SNAPC1: variants seen among roughly 807,000 people sequenced by gnomAD.
The protein encoded by SNAPC1 is snRNA-activating protein complex subunit 1.
Under a neutral mutation model 50.1 loss-of-function variants are expected in SNAPC1, and 42 were observed. The observed-to-expected ratio is 0.84, with a 90% confidence interval of 0.65 to 1.08. The LOEUF is 1.08. Among genes scored for constraint, SNAPC1 ranks in the 50% least tolerant of loss-of-function variants. The probability of loss-of-function intolerance (pLI) is 0.00; values close to 1 mark genes in which losing one functional copy is unlikely to be tolerated. For synonymous variants in SNAPC1, 164 were observed against 144.2 expected (o/e 1.14, Z -0.98); for missense variants, 477 against 427.3 (o/e 1.12, Z -1.02).
At chr14:61,776,517 T>G (rs1361493416) in intron 5 of SNAPC1, among the ~76,000 whole-genome samples, 2 of 152,176 alleles carry the variant, frequency 1.3e-5, no homozygotes, top group African/African-American at 4.8e-5. Flanking sequence ...TATTACAGAC[T>G]TTATAATTTG....
At chr14:61,763,261 G>A (rs1362933029) in intron 1 of SNAPC1, among the ~76,000 whole-genome samples, 2 of 151,716 alleles carry the variant, frequency 1.3e-5, no homozygotes, top group African/African-American at 4.8e-5. Context: ...AAAGCGCTAG[G>A]ATTACAGGAG....
At chr14:61,783,803 G>A (rs2045096002) in intron 8 of SNAPC1, among the ~76,000 whole-genome samples, 1 of 152,138 alleles carries the variant, frequency 6.6e-6, no homozygotes, top group Admixed American at 6.5e-5. Context: ...CTCCCAAAGT[G>A]CTGGGATTAC....
chr14:61,786,703 G>A (rs1306279057), intron 8 of SNAPC1, among the ~76,000 whole-genome samples: 1 of 152,198 alleles, frequency 6.6e-6, no homozygotes, highest in Admixed American at 6.5e-5. Flanking sequence ...CTTTTCTGGT[G>A]TGAATCCAGA....
At chr14:61,787,330 G>A (rs2045121578) in intron 8 of SNAPC1, among the ~76,000 whole-genome samples, 1 of 151,290 alleles carries the variant, frequency 6.6e-6, no homozygotes. Flanking sequence ...CAAAAAGAGA[G>A]GACATAAGGA....
chr14:61,775,307 C>T (rs1010799605), intron 4 of SNAPC1, among the ~76,000 whole-genome samples: 3 of 150,686 alleles, frequency 2.0e-5, no homozygotes, highest in African/African-American at 7.3e-5. Flanking sequence ...TGCTGGAGTG[C>T]GGTGGTGGTT....
At chr14:61,774,537 A>G (rs1456337233) in intron 4 of SNAPC1, among the ~76,000 whole-genome samples, 1 of 151,732 alleles carries the variant, frequency 6.6e-6, no homozygotes, top group Admixed American at 6.6e-5. Flanking sequence ...TAATGAGAGT[A>G]TAGCCAATGT....
At chr14:61,792,662 G>A in intron 8 of SNAPC1, 145 bp from the exon 9 acceptor site, 1 of 422,466 alleles carries the variant, frequency 2.4e-6, no homozygotes, top group Non-Finnish European at 4.3e-6. Context: ...AGGTATTCTA[G>A]AATGCGTATT....
intron 1 of SNAPC1, among the ~76,000 whole-genome samples, chr14:61,763,666 C>A (rs1024549721): frequency 2.7e-4 from 41 of 152,100 alleles, no homozygotes; most frequent in African/African-American, 9.4e-4. Context: ...GTTTTTTCCC[C>A]GCATAGCACC....
intron 3 of SNAPC1, 45 bp from the exon 4 acceptor site, chr14:61,768,591 C>T: frequency 2.0e-6 from 2 of 1,008,416 alleles, no homozygotes; most frequent in Non-Finnish European, 3.1e-6. Context: ...TTTAACAATA[C>T]TGTTTAAAAG....
intron 3 of SNAPC1, among the ~76,000 whole-genome samples, chr14:61,768,424 G>T (rs1234814427): frequency 6.6e-6 from 1 of 152,128 alleles, no homozygotes; most frequent in East Asian, 1.9e-4. Flanking sequence ...TGTCTTATCT[G>T]AATTTGTAGG....
intron 1 of SNAPC1, among the ~76,000 whole-genome samples, chr14:61,762,981 C>CTTTTTTTT (rs145378546): frequency 0.02 from 1,433 of 73,010 alleles, 269 homozygotes; most frequent in East Asian, 0.061. Context: ...CCAAAGTTGT[C>CTTTTTTTT]TTTTTTTTTT....
chr14:61,778,797 A>C, intron 6 of SNAPC1, 51 bp from the exon 7 acceptor site: 1 of 1,084,406 alleles, frequency 9.2e-7, no homozygotes, highest in South Asian at 1.4e-5. Context: ...TCAGTTTTTC[A>C]CCTAATGTTT....
intron 9 of SNAPC1, among the ~76,000 whole-genome samples, chr14:61,793,562 T>G (rs1371895412): frequency 1.3e-5 from 2 of 152,004 alleles, no homozygotes; most frequent in Non-Finnish European, 2.9e-5. Context: ...GTTTTCATCT[T>G]AATTTGTTTT....
At chr14:61,762,978 T>A (rs2044918128) in intron 1 of SNAPC1, among the ~76,000 whole-genome samples, 1 of 133,364 alleles carries the variant, frequency 7.5e-6, no homozygotes, top group South Asian at 2.5e-4. Flanking sequence ...CAACCAAAGT[T>A]GTCTTTTTTT....
intron 9 of SNAPC1, among the ~76,000 whole-genome samples, 195 bp from the exon 10 acceptor site, chr14:61,794,754 G>A (rs1044787870): frequency 6.6e-6 from 1 of 152,144 alleles, no homozygotes; most frequent in African/African-American, 2.4e-5. Flanking sequence ...AAAAATTCTT[G>A]AATATGTCAG....
intron 7 of SNAPC1, among the ~76,000 whole-genome samples, chr14:61,781,053 A>G (rs2045068202): frequency 6.6e-6 from 1 of 152,182 alleles, no homozygotes; most frequent in Non-Finnish European, 1.5e-5. Context: ...ATACTACACA[A>G]TTTTATATCA....
rs145378546 is a variant in SNAPC1 at position 61,762,981 on chromosome 14, C to CTTTTTT, written c.128+415_128+420dup. Among the ~76,000 whole-genome samples the CTTTTTT allele has an allele frequency of 1.1e-3, 79 of 73,034 alleles. 8 individuals carry two copies. Among genetic ancestry groups the CTTTTTT allele is most frequent in the Middle Eastern group, 0.016 (1 of 64 alleles). 47.9% of individuals were successfully genotyped at this position (73,034 alleles called of 152,430 possible). A position where few individuals can be genotyped will look rare whatever the true frequency, so the allele number is the denominator to read the frequency against. On this transcript the variant is annotated intron_variant, in intron 1 of 9. Transcript: ENST00000216294. ...TTTTTCCTCCAACAACCAAAGTTGTCTTTTTTTTTTTTTTTTTTTTTTTTT... is the reference window on the plus strand; with the variant it reads ...TTTTTCCTCCAACAACCAAAGTTGTCTTTTTTTTTTTTTTTTTTTTTTTTTTTTTTT...
At chr14:61,786,540 C>T (rs767641558) in intron 8 of SNAPC1, among the ~76,000 whole-genome samples, 2 of 148,908 alleles carry the variant, frequency 1.3e-5, no homozygotes, top group Non-Finnish European at 2.9e-5. Flanking sequence ...TGAAAAGATG[C>T]TCTGCATCTT....
intron 8 of SNAPC1, among the ~76,000 whole-genome samples, chr14:61,783,528 G>GTTTTTTTTT (rs577941212): frequency 1.2e-4 from 13 of 110,142 alleles, no homozygotes; most frequent in South Asian, 3.2e-4. Context: ...GTTTGGTTTG[G>GTTTTTTTTT]TTTTTTTTTT....
Sources: allele counts gnomAD v4.1 joint callset (sites outside exome capture counted in the v4.1 genomes callset), GRCh38; gene constraint gnomAD v4.1.1; transcripts MANE v1.5; gene names NCBI Gene and HGNC (gene_info 2026-07-23, HGNC 2026-07-21).